Variants in MYO5A observed in about 807,000 individuals in gnomAD.
The protein encoded by MYO5A is unconventional myosin-Va.
In MYO5A, 98 loss-of-function variants were observed where a neutral mutation model predicts 249.7. The ratio of observed to expected loss-of-function variants is 0.39; its 90% CI spans 0.33 to 0.46. The LOEUF is 0.46. Ranked by LOEUF, MYO5A falls within the 20% of genes least tolerant of loss-of-function variation. The pLI is 0.98. For missense variants in MYO5A, 1,696 were observed against 2,308.8 expected (o/e 0.73, Z 5.44); for synonymous variants, 778 against 810.6 (o/e 0.96, Z 0.68).
At chr15:52,509,469 C>A (rs2077346959) in intron 1 of MYO5A, among the ~76,000 whole-genome samples, 1 of 152,170 alleles carries the variant, frequency 6.6e-6, no homozygotes, top group African/African-American at 2.4e-5. Context: ...TCCATGACAG[C>A]ATGATCAGCT....
At chr15:52,420,042 A>G (rs958348480) in intron 4 of MYO5A, among the ~76,000 whole-genome samples, 2 of 152,178 alleles carry the variant, frequency 1.3e-5, no homozygotes, top group Non-Finnish European at 2.9e-5. Context: ...ATGGTGGCTC[A>G]CGCCTGTAAT....
At chr15:52,321,249 T>C in intron 38 of MYO5A, 110 bp downstream of exon 38, 7 of 1,441,632 alleles carry the variant, frequency 4.9e-6, no homozygotes, top group Non-Finnish European at 4.8e-6. Flanking sequence ...TCTTACTACT[T>C]TATGCTCCCC....
At chr15:52,358,605 T>C (rs977695869) in intron 25 of MYO5A, among the ~76,000 whole-genome samples, 24 of 152,122 alleles carry the variant, frequency 1.6e-4, no homozygotes, top group African/African-American at 5.6e-4. Context: ...TGGCATCTTT[T>C]AGTCTGTCAC....
intron 3 of MYO5A, 149 bp downstream of exon 3, chr15:52,428,249 C>G (rs2075440797): frequency 1.9e-5 from 16 of 820,906 alleles, no homozygotes; most frequent in Non-Finnish European, 2.6e-5. Context: ...ATAAATGCAA[C>G]TTGGTAAATC....
In MYO5A at chr15:52,372,299, T is replaced by C. The variant is rs201410680; in HGVS notation, c.2642A>G (p.His881Arg). The C allele has an allele frequency of 7.5e-5, 120 of 1,609,648 alleles. No individual in the cohort carries two copies. In the African/African-American group the frequency reaches 1.5e-3, roughly 20 times the overall value. ...KRVRGWLARTHYKRSMHAIIY... is the reference protein window; with the variant it reads ...KRVRGWLARTRYKRSMHAIIY... ...GATGGCATGCATGCTCCTCTTGTAG[T>C]GTGTGCGGGCCAGCCAGCCCCGGAC... The change falls in exon 21 of 42, where the codon CAC becomes CGC. Residue 881 changes from histidine to arginine, a missense_variant. By Grantham distance (29) the His-to-Arg change is conservative. Around this residue, in one of 5 missense-constraint regions of MYO5A, gnomAD observed 412 missense variants for 453.3 expected, o/e 0.91. Transcript: ENST00000399233.
rs1174855201 is a variant in MYO5A at position 52,355,742 on chromosome 15, T to C, written c.3424-1728A>G. Among the ~76,000 whole-genome samples, 3 of 152,192 alleles carry C rather than the reference T, an allele frequency of 2.0e-5. No individual in the cohort carries two copies. In the East Asian group the frequency reaches 5.8e-4, roughly 29 times the overall value. On this transcript the variant is annotated intron_variant, in intron 25 of 41. Transcript: ENST00000399233. ...AGTAATGTAGAGATGATTTAAAGAATATGGAAGGATGTGCATAGGTTATAT... is the reference window on the plus strand; with the variant it reads ...AGTAATGTAGAGATGATTTAAAGAACATGGAAGGATGTGCATAGGTTATAT...
intron 1 of MYO5A, among the ~76,000 whole-genome samples, chr15:52,506,613 G>A (rs1352431749): frequency 6.6e-6 from 1 of 151,864 alleles, no homozygotes; most frequent in African/African-American, 2.4e-5. Flanking sequence ...AAGGAGGGCG[G>A]ATCTCTTGAG....
chr15:52,521,369 C>A (rs922253918), intron 1 of MYO5A, among the ~76,000 whole-genome samples: 1 of 152,136 alleles, frequency 6.6e-6, no homozygotes, highest in African/African-American at 2.4e-5. Flanking sequence ...TCTCTAGTTT[C>A]ATGTACATTT....
At chr15:52,519,270 G>A (rs1285771225) in intron 1 of MYO5A, among the ~76,000 whole-genome samples, 1 of 152,176 alleles carries the variant, frequency 6.6e-6, no homozygotes, top group African/African-American at 2.4e-5. Flanking sequence ...AAATACGGTA[G>A]AAAGAAATCA....
chr15:52,468,670 T>C (rs895494545), intron 1 of MYO5A, among the ~76,000 whole-genome samples: 2 of 152,160 alleles, frequency 1.3e-5, no homozygotes, highest in South Asian at 4.1e-4. Context: ...ACCCTGTCTC[T>C]ATAAAACATA....
chr15:52,309,944 G>C lies in MYO5A; in HGVS notation c.*3752C>G, dbSNP rs2037726780. ...GTGCCCATTTTCCTAGGGTTACCAT[G>C]AAAGTTATTTCTCACAACAATCACT... is the stretch of plus-strand genomic sequence containing the variant. On this transcript the variant is annotated 3_prime_UTR_variant, in exon 42 of 42. Transcript: ENST00000399233. 6.6e-6 allele frequency: 1 copy of C among 152,048 alleles called. No homozygotes were observed. The highest frequency in any genetic ancestry group is 6.6e-5 in the Admixed American group (1 of 15,250). 9.4% of individuals were successfully genotyped at this position (152,048 alleles called of 1,614,324 possible). A position where few individuals can be genotyped will look rare whatever the true frequency, so the allele number is the denominator to read the frequency against.
chr15:52,406,825 T>A (rs1013913380), intron 8 of MYO5A, among the ~76,000 whole-genome samples: 7 of 152,128 alleles, frequency 4.6e-5, no homozygotes, highest in Non-Finnish European at 1.0e-4. Context: ...TGATGCCAAC[T>A]CAGCCACATT....
chr15:52,524,467 T>C (rs574818514), intron 1 of MYO5A, among the ~76,000 whole-genome samples: 62 of 151,568 alleles, frequency 4.1e-4, no homozygotes, highest in African/African-American at 1.4e-3. Context: ...GGTGGGAGGA[T>C]GGCTTGCACC....
chr15:52,472,852 T>A (rs1427623167), intron 1 of MYO5A, among the ~76,000 whole-genome samples: 1 of 152,238 alleles, frequency 6.6e-6, no homozygotes, highest in Non-Finnish European at 1.5e-5. Flanking sequence ...TCAATAAACA[T>A]ACGTGTACAT....
intron 4 of MYO5A, 133 bp downstream of exon 4, chr15:52,425,697 C>T: frequency 9.6e-7 from 1 of 1,045,324 alleles, no homozygotes; most frequent in Non-Finnish European, 1.4e-6. Context: ...TCACCTGAGA[C>T]AAACTTGTCA....
Position 52,336,452 on chromosome 15 carries a change from G to T in MYO5A, c.4408+11C>A. 6.4e-7 allele frequency: 1 copy of T among 1,557,808 alleles called. No individual in the cohort carries two copies. Among genetic ancestry groups the T allele is most frequent in the Admixed American group, 1.7e-5 (1 of 57,272 alleles). Reference sequence around the variant, plus strand: ...GACTCAGTGACCGTCTTGAAAAAAAGGTTTAAATACCTTCTAGTTCGCCAA... The same window carrying T: ...GACTCAGTGACCGTCTTGAAAAAAATGTTTAAATACCTTCTAGTTCGCCAA... On this transcript the variant is annotated intron_variant, in intron 34 of 41. Coordinates refer to ENST00000399233, the MANE Select transcript of MYO5A (RefSeq NM_001382347.1).
chr15:52,481,062 T>C (rs1012521801), intron 1 of MYO5A, among the ~76,000 whole-genome samples: 1 of 152,198 alleles, frequency 6.6e-6, no homozygotes, highest in Non-Finnish European at 1.5e-5. Flanking sequence ...TATGTAGGTA[T>C]TATGAGTCTT....
At chr15:52,343,307 T>C (rs575683393) in intron 30 of MYO5A, 110 bp from the exon 31 acceptor site, 48 of 948,086 alleles carry the variant, frequency 5.1e-5, no homozygotes, top group Non-Finnish European at 3.5e-5. Flanking sequence ...TAAGTTTGTT[T>C]TTATTCATTA....
At position 52,376,436 on chromosome 15, in the gene MYO5A, G is replaced by C. The variant is rs1343311818; in HGVS notation, c.2331C>G (p.Ile777Met). 1.2e-6 allele frequency: 2 copies of C among 1,614,118 alleles called. No individual in the cohort carries two copies. Among genetic ancestry groups the C allele is most frequent in the East Asian group, 4.5e-5 (2 of 44,866 alleles). ...RAACIRIQKT[I>M]RGWLLRKKYL... ...ACTTCTTTCTCAGCAGCCACCCTCG[G>C]ATGGTCTTCTGGATCCGGATGCAGG... The change falls in exon 19 of 42, where the codon ATC (isoleucine) becomes ATG (methionine). Residue 777 changes from isoleucine (I) to methionine (M), a missense_variant. By Grantham distance (10) the Ile-to-Met change is conservative (BLOSUM62 1). Transcript: ENST00000399233.
Sources: allele counts gnomAD v4.1 joint callset (sites outside exome capture counted in the v4.1 genomes callset), GRCh38; gene constraint gnomAD v4.1.1; regional missense constraint gnomAD v4.1.1; transcripts MANE v1.5; gene names NCBI Gene and HGNC (gene_info 2026-07-23, HGNC 2026-07-21).